The following ZDHHC11B variants were observed in gnomAD, a reference collection of about 807,000 sequenced individuals.
The protein encoded by ZDHHC11B is probable palmitoyltransferase ZDHHC11B.
In ZDHHC11B, 17 loss-of-function variants were observed where a neutral mutation model predicts 42.3. The observed-to-expected ratio is 0.40, with a 90% CI of 0.27 to 0.60. The LOEUF is 0.60. Ranked by LOEUF, ZDHHC11B falls within the 20% of genes least tolerant of loss-of-function variation. The pLI is 0.41. For synonymous variants in ZDHHC11B, 123 were observed against 193.5 expected (o/e 0.64, Z 3.02); for missense variants, 262 against 463.2 (o/e 0.57, Z 3.99).
intron 7 of ZDHHC11B, among the ~76,000 whole-genome samples, chr5:750,908 C>T (rs1745535015): frequency 8.3e-6 from 1 of 120,912 alleles, no homozygotes; most frequent in African/African-American, 2.6e-5. Flanking sequence ...ATCTACAGAG[C>T]AGCGTGGCCA....
intron 1 of ZDHHC11B, among the ~76,000 whole-genome samples, chr5:773,307 C>G (rs1736205810): frequency 6.6e-6 from 1 of 151,942 alleles, no homozygotes; most frequent in South Asian, 2.1e-4. Context: ...CACCTGAGCC[C>G]TGGGTGCAGA....
intron 4 of ZDHHC11B, among the ~76,000 whole-genome samples, chr5:758,080 T>G (rs1017328687): frequency 6.6e-6 from 1 of 151,826 alleles, no homozygotes; most frequent in African/African-American, 2.4e-5. Flanking sequence ...GCATCCCGGC[T>G]GTTGTCCCCA....
intron 12 of ZDHHC11B, among the ~76,000 whole-genome samples, chr5:722,181 A>G (rs1369736355): frequency 6.6e-6 from 1 of 151,880 alleles, no homozygotes; most frequent in Non-Finnish European, 1.5e-5. Flanking sequence ...ACCAAAAAGC[A>G]TTACTTATAC....
chr5:765,975 TCCAGTGCC>T, intron 4 of ZDHHC11B, among the ~76,000 whole-genome samples: 1 of 151,882 alleles, frequency 6.6e-6, no homozygotes, highest in African/African-American at 2.4e-5. Context: ...GAAATATGGT[TCCAGTGCC>T]CCAAGGCACC....
chr5:721,288 T>A (rs1475256122), intron 12 of ZDHHC11B, among the ~76,000 whole-genome samples: 5 of 147,514 alleles, frequency 3.4e-5, no homozygotes, highest in Non-Finnish European at 7.5e-5. Flanking sequence ...AATTGAGAAA[T>A]AAAAATATAT....
At chr5:773,535 C>T (rs1359834463) in intron 1 of ZDHHC11B, among the ~76,000 whole-genome samples, 2 of 151,848 alleles carry the variant, frequency 1.3e-5, no homozygotes, top group African/African-American at 4.8e-5. Context: ...GCCCTGCACT[C>T]CCAGGCCTGT....
At chr5:775,911 A>C (rs1365634551) in intron 1 of ZDHHC11B, among the ~76,000 whole-genome samples, 1 of 146,952 alleles carries the variant, frequency 6.8e-6, no homozygotes, top group African/African-American at 2.5e-5. Flanking sequence ...GGCATCTCTC[A>C]GCTGGTGACA....
At chr5:773,928 C>G (rs1000734327) in intron 1 of ZDHHC11B, among the ~76,000 whole-genome samples, 2 of 151,908 alleles carry the variant, frequency 1.3e-5, no homozygotes, top group African/African-American at 2.4e-5. Context: ...ATCTTCAAAA[C>G]AGGCTTGAAG....
At chr5:774,892 A>C (rs1736346182) in intron 1 of ZDHHC11B, among the ~76,000 whole-genome samples, 1 of 151,920 alleles carries the variant, frequency 6.6e-6, no homozygotes, top group Non-Finnish European at 1.5e-5. Context: ...GCCCACGCCC[A>C]CGCGGGGGTG....
At chr5:777,139 T>C (rs900525966) in intron 1 of ZDHHC11B, among the ~76,000 whole-genome samples, 3 of 151,886 alleles carry the variant, frequency 2.0e-5, no homozygotes, top group East Asian at 1.9e-4. Context: ...GTTTCTTCCT[T>C]CAGATGTTCA....
chr5:744,887 G>A (rs1744578376), intron 9 of ZDHHC11B, among the ~76,000 whole-genome samples: 1 of 148,540 alleles, frequency 6.7e-6, no homozygotes, highest in East Asian at 2.1e-4. Flanking sequence ...AAAAAAAGAT[G>A]CAAAAAGCAC....
intron 12 of ZDHHC11B, among the ~76,000 whole-genome samples, chr5:728,515 C>A (rs1178765593): frequency 6.6e-6 from 1 of 151,866 alleles, no homozygotes; most frequent in Non-Finnish European, 1.5e-5. Context: ...ATATGCACAT[C>A]ATGAGAGGGT....
At chr5:725,064 T>C (rs1032795972) in intron 12 of ZDHHC11B, among the ~76,000 whole-genome samples, 2 of 151,094 alleles carry the variant, frequency 1.3e-5, no homozygotes, top group Admixed American at 1.3e-4. Context: ...CCCAGCGTTG[T>C]GTGTCATAAA....
At chr5:766,201 C>A (rs1266514530) in intron 4 of ZDHHC11B, among the ~76,000 whole-genome samples, 1 of 151,858 alleles carries the variant, frequency 6.6e-6, no homozygotes, top group Non-Finnish European at 1.5e-5. Context: ...CATGAGTCCC[C>A]GCCTGATGGG....
intron 1 of ZDHHC11B, among the ~76,000 whole-genome samples, chr5:774,692 TGGGGTCTGTCACTAGGGCCA>T (rs1736326786): frequency 6.8e-6 from 1 of 147,308 alleles, no homozygotes; most frequent in Non-Finnish European, 1.5e-5. Flanking sequence ...AACTAGGACC[TGGGGTCTGTCACTAGGGCCA>T]GGGGTCTGCC....
At chr5:773,153 G>A (rs1264329387) in intron 1 of ZDHHC11B, among the ~76,000 whole-genome samples, 2 of 151,856 alleles carry the variant, frequency 1.3e-5, no homozygotes, top group African/African-American at 4.8e-5. Flanking sequence ...AGAGAATGAG[G>A]AGGTGTCAGA....
chr5:759,832 C>A (rs1346634441), intron 4 of ZDHHC11B, among the ~76,000 whole-genome samples: 1 of 151,908 alleles, frequency 6.6e-6, no homozygotes, highest in African/African-American at 2.4e-5. Context: ...GAGGTCACTT[C>A]CCAGAGCCGC....
intron 4 of ZDHHC11B, among the ~76,000 whole-genome samples, chr5:756,710 C>T (rs1421750177): frequency 6.6e-6 from 1 of 151,598 alleles, no homozygotes; most frequent in Non-Finnish European, 1.5e-5. Flanking sequence ...TCTTTCATAC[C>T]AGAGACCCCT....
rs1171790320 is a variant in ZDHHC11B, at chr5:727,109, T to C, written c.1058+3325A>G. Among the ~76,000 whole-genome samples the C allele has an allele frequency of 1.5e-4, 20 of 131,964 alleles. 1 individual carries two copies. Among genetic ancestry groups the C allele is most frequent in the African/African-American group, 5.0e-4 (18 of 35,780 alleles). The allele number at this position is 131,964 out of a possible 152,430, so 86.6% of individuals were successfully genotyped here. A position where few individuals can be genotyped will look rare whatever the true frequency, so the allele number is the denominator to read the frequency against. Reference sequence around the variant, plus strand: ...TTAAGCAATTCTCAGATTTGAGAAATTGATGAATGGGGCACTTCTCCTGGG... The same window carrying C: ...TTAAGCAATTCTCAGATTTGAGAAACTGATGAATGGGGCACTTCTCCTGGG... On this transcript the variant is annotated intron_variant, in intron 12 of 13. Coordinates refer to ENST00000508859, the MANE Select transcript of ZDHHC11B (RefSeq NM_001351303.2).
Sources: gnomAD v4.1 joint callset for allele counts (sites outside exome capture counted in the v4.1 genomes callset) on GRCh38, gnomAD v4.1.1 for gene constraint, MANE v1.5 for transcripts, NCBI Gene and HGNC (gene_info 2026-07-23, HGNC 2026-07-21) for gene names.